Variants in TMC7 observed in about 807,000 individuals in gnomAD.
TMC7 encodes the protein transmembrane channel-like protein 7.
A neutral mutation model predicts 82.9 loss-of-function variants in TMC7; 54 were observed. The ratio of observed to expected loss-of-function variants is 0.65; its 90% CI spans 0.52 to 0.82. The LOEUF (loss-of-function observed/expected upper bound fraction) is 0.82, where lower values mean the gene tolerates loss of function less well. Ranked by LOEUF, TMC7 falls within the 40% of genes least tolerant of loss-of-function variation. The probability of loss-of-function intolerance (pLI) is 0.00; values close to 1 mark genes in which losing one functional copy is unlikely to be tolerated. For missense variants in TMC7, 820 were observed against 901.2 expected, an observed-to-expected ratio of 0.91 and a Z score of 1.15; for synonymous variants, 350 against 337.9, an observed-to-expected ratio of 1.04 and a Z score of -0.39.
chr16:19,045,512 T>A, intron 11 of TMC7, 74 bp downstream of exon 11: 1 of 1,045,954 alleles, frequency 9.6e-7, no homozygotes, highest in Non-Finnish European at 1.5e-6. Context: ...CACACACAAC[T>A]GGAGGGTCCC....
chr16:19,057,900 C>A (rs1961840811), intron 14 of TMC7, among the ~76,000 whole-genome samples: 1 of 152,160 alleles, frequency 6.6e-6, no homozygotes, highest in Non-Finnish European at 1.5e-5. Context: ...CTTTAACCAC[C>A]CCCATTTCAG....
At chr16:19,025,893 C>T (rs1410659985) in intron 5 of TMC7, among the ~76,000 whole-genome samples, 1 of 151,842 alleles carries the variant, frequency 6.6e-6, no homozygotes, top group Non-Finnish European at 1.5e-5. Flanking sequence ...GTAGCTGGGA[C>T]TACAGGTGCA....
chr16:19,045,912 G>A (rs1961255229), intron 11 of TMC7, among the ~76,000 whole-genome samples: 1 of 151,706 alleles, frequency 6.6e-6, no homozygotes, highest in Admixed American at 6.6e-5. Flanking sequence ...TTAATTTTTT[G>A]TAGAGAGGGG....
chr16:19,045,484 CACACACACACAT>C (rs1350532868), intron 11 of TMC7, 46 bp downstream of exon 11: 3 of 1,211,052 alleles, frequency 2.5e-6, no homozygotes, highest in Admixed American at 1.7e-5. Context: ...CACACACATG[CACACACACACAT>C]ACACACACAC....
intron 1 of TMC7, among the ~76,000 whole-genome samples, chr16:18,992,207 C>G (rs1318509856): frequency 6.6e-6 from 1 of 152,158 alleles, no homozygotes; most frequent in African/African-American, 2.4e-5. Flanking sequence ...GTTTACAGTC[C>G]CACCAACAGT....
chr16:19,004,120 A>ACGT (rs2039192692), intron 1 of TMC7, among the ~76,000 whole-genome samples: 1 of 151,796 alleles, frequency 6.6e-6, no homozygotes, highest in Non-Finnish European at 1.5e-5. Context: ...AAATGAGGTG[A>ACGT]CGTCATGCTG....
intron 1 of TMC7, among the ~76,000 whole-genome samples, chr16:18,998,404 G>T (rs1204908168): frequency 1.3e-5 from 2 of 152,174 alleles, no homozygotes; most frequent in Non-Finnish European, 2.9e-5. Context: ...TTCTCGGACA[G>T]ACAGAATTGC....
intron 6 of TMC7, among the ~76,000 whole-genome samples, chr16:19,032,375 A>G (rs1960557047): frequency 6.6e-6 from 1 of 152,196 alleles, no homozygotes; most frequent in African/African-American, 2.4e-5. Flanking sequence ...ACAAATGAGA[A>G]GCAGCCTCAG....
chr16:19,031,649 C>T (rs8060036), intron 6 of TMC7, among the ~76,000 whole-genome samples: 2,990 of 152,028 alleles, frequency 0.02, 105 homozygotes, highest in African/African-American at 0.069. Context: ...CCAGCCTGGG[C>T]GACAGAGCGA....
At chr16:19,013,300 C>T (rs910766423) in intron 2 of TMC7, among the ~76,000 whole-genome samples, 1 of 151,850 alleles carries the variant, frequency 6.6e-6, no homozygotes, top group Admixed American at 6.6e-5. Context: ...CTCACCACAA[C>T]CTCTGCCTCC....
intron 5 of TMC7, 23 bp downstream of exon 5, chr16:19,023,218 T>C: frequency 1.4e-6 from 2 of 1,465,266 alleles, no homozygotes; most frequent in Non-Finnish European, 9.5e-7. Context: ...CATAATCCTT[T>C]GTTTAGCTCC....
intron 5 of TMC7, among the ~76,000 whole-genome samples, chr16:19,026,489 A>C (rs1475160653): frequency 6.6e-6 from 1 of 151,896 alleles, no homozygotes; most frequent in Non-Finnish European, 1.5e-5. Context: ...AAAAAAAAAA[A>C]AGAAAGCAAA....
At chr16:19,046,522 G>C (rs61497017) in intron 11 of TMC7, among the ~76,000 whole-genome samples, 300 of 152,208 alleles carry the variant, frequency 2.0e-3, no homozygotes, top group African/African-American at 6.8e-3. Context: ...AGAGGCCAGA[G>C]GTCCAGTGAG....
At chr16:19,045,587 CTTTCTTTT>C in intron 11 of TMC7, 149 bp downstream of exon 11, 1 of 397,218 alleles carries the variant, frequency 2.5e-6, no homozygotes, top group Non-Finnish European at 4.4e-6. Context: ...CAACTGGTAA[CTTTCTTTT>C]TTTTTTTTTT....
At chr16:18,988,263 T>C (rs2038889070) in intron 1 of TMC7, among the ~76,000 whole-genome samples, 1 of 151,050 alleles carries the variant, frequency 6.6e-6, no homozygotes, top group African/African-American at 2.4e-5. Flanking sequence ...CAATCCATTC[T>C]CCTGCCTCAG....
chr16:19,056,048 G>T (rs1004157925), intron 13 of TMC7, among the ~76,000 whole-genome samples: 1 of 151,836 alleles, frequency 6.6e-6, no homozygotes, highest in African/African-American at 2.4e-5. Flanking sequence ...TAGGTCTAGA[G>T]ACTTGATAAA....
At chr16:19,003,355 G>C (rs1453459832) in intron 1 of TMC7, among the ~76,000 whole-genome samples, 1 of 152,100 alleles carries the variant, frequency 6.6e-6, no homozygotes, top group African/African-American at 2.4e-5. Flanking sequence ...GCCCCTACTG[G>C]GAAGTGAGGA....
intron 5 of TMC7, among the ~76,000 whole-genome samples, chr16:19,029,427 A>G (rs1281613595): frequency 6.6e-6 from 1 of 152,028 alleles, no homozygotes; most frequent in Non-Finnish European, 1.5e-5. Flanking sequence ...TTTCTTTCAG[A>G]GACAGGGTCT....
chr16:19,002,683 C>T (rs574837868), intron 1 of TMC7, among the ~76,000 whole-genome samples: 2 of 152,326 alleles, frequency 1.3e-5, no homozygotes, highest in Admixed American at 6.5e-5. Context: ...AGTCATCCTC[C>T]TACCTAAGTA....
Sources: allele counts gnomAD v4.1 joint callset (sites outside exome capture counted in the v4.1 genomes callset), GRCh38; gene constraint gnomAD v4.1.1; transcripts MANE v1.5; gene names NCBI Gene and HGNC (gene_info 2026-07-23, HGNC 2026-07-21).